The following SIL1 variants were observed in gnomAD, a reference collection of about 807,000 sequenced individuals.
The protein encoded by SIL1 is nucleotide exchange factor SIL1.
SIL1 carries 40 observed loss-of-function variants against 49.1 expected under a neutral mutation model. The observed-to-expected ratio is 0.81, with a 90% CI of 0.63 to 1.06. The LOEUF (loss-of-function observed/expected upper bound fraction) is 1.06. SIL1 is among the 50% of genes least tolerant of loss of function. The pLI, the probability that SIL1 is intolerant of heterozygous loss-of-function variation, is 0.00. For synonymous variants in SIL1, 253 were observed against 250.8 expected, an observed-to-expected ratio of 1.01 and a Z score of -0.08; for missense variants, 500 against 572.6, an observed-to-expected ratio of 0.87 and a Z score of 1.29.
chr5:138,988,159 A>G (rs886124424), intron 7 of SIL1, among the ~76,000 whole-genome samples: 2 of 152,204 alleles, frequency 1.3e-5, no homozygotes, highest in Non-Finnish European at 2.9e-5. Flanking sequence ...ACTTTTTACA[A>G]TTGTAAAGAC....
rs568511707 is a variant in SIL1 at position 139,019,798 on chromosome 5, A to G, written c.767+1373T>C. On this transcript the variant is annotated intron_variant, in intron 7 of 9. Transcript: ENST00000394817. ...GATAATTTGTTCATATTAAAGGTAG[A>G]ATAAAAGTACTCGGGAGTAAGGCAA... Among the ~76,000 whole-genome samples the G allele has an allele frequency of 1.2e-4, 19 of 152,310 alleles. 1 individual carries two copies. The highest frequency in any genetic ancestry group is 4.1e-4 in the African/African-American group (17 of 41,566).
chr5:139,140,993 A>G (rs780244083), intron 1 of SIL1, among the ~76,000 whole-genome samples: 3 of 152,116 alleles, frequency 2.0e-5, no homozygotes, highest in Admixed American at 6.5e-5. Context: ...GCACAGTTAC[A>G]AGCAGAACTG....
At chr5:139,026,552 G>A (rs770502210) in intron 6 of SIL1, among the ~76,000 whole-genome samples, 1 of 152,134 alleles carries the variant, frequency 6.6e-6, no homozygotes, top group Non-Finnish European at 1.5e-5. Flanking sequence ...GCAGTGAGCC[G>A]AGATCGCGCC....
intron 1 of SIL1, among the ~76,000 whole-genome samples, chr5:139,193,898 A>C (rs1392342991): frequency 6.6e-6 from 1 of 152,212 alleles, no homozygotes; most frequent in Non-Finnish European, 1.5e-5. Context: ...ACCAAGAAAC[A>C]CAGTGGTTGT....
intron 7 of SIL1, among the ~76,000 whole-genome samples, chr5:138,993,253 T>A (rs1767794831): frequency 6.6e-6 from 1 of 152,140 alleles, no homozygotes; most frequent in Non-Finnish European, 1.5e-5. Flanking sequence ...GATCTTGCCA[T>A]CTGGGATGAT....
chr5:138,967,007 G>A (rs772978708), intron 7 of SIL1, among the ~76,000 whole-genome samples: 3 of 152,182 alleles, frequency 2.0e-5, no homozygotes, highest in Admixed American at 6.5e-5. Flanking sequence ...TGTGAGTATC[G>A]AGTGAGATAG....
rs115891114 is a variant in SIL1, at chr5:139,116,022, C to T, written c.244+5013G>A. 4.0e-3 allele frequency among the ~76,000 whole-genome samples: 612 copies of T among 152,274 alleles called. 7 individuals are homozygous for T. Among genetic ancestry groups the T allele is most frequent in the African/African-American group, 0.014 (568 of 41,556 alleles). ...TTGGTGTCAGAGGAGTGGAGAACCACGCCGCCCCTCCAAAGCTGCAAAGAG... is the reference window on the plus strand; with the variant it reads ...TTGGTGTCAGAGGAGTGGAGAACCATGCCGCCCCTCCAAAGCTGCAAAGAG... On this transcript the variant is annotated intron_variant, in intron 3 of 9. Coordinates refer to ENST00000394817, the MANE Select transcript of SIL1 (RefSeq NM_022464.5).
chr5:139,190,960 A>C (rs1213577206), intron 1 of SIL1, among the ~76,000 whole-genome samples: 4 of 152,162 alleles, frequency 2.6e-5, no homozygotes, highest in African/African-American at 4.8e-5. Flanking sequence ...GGCCAGAGAC[A>C]GTGGCTCACA....
chr5:139,099,597 TA>T (rs1008572913), intron 3 of SIL1, among the ~76,000 whole-genome samples: 10 of 150,574 alleles, frequency 6.6e-5, no homozygotes, highest in South Asian at 2.1e-4. Context: ...ATTCAGTCAT[TA>T]AAAAAAAAGA....
At chr5:139,159,853 T>G (rs1228590643) in intron 1 of SIL1, among the ~76,000 whole-genome samples, 1 of 152,112 alleles carries the variant, frequency 6.6e-6, no homozygotes, top group Non-Finnish European at 1.5e-5. Context: ...TTACTCAGGA[T>G]TTAAGAAAGA....
At chr5:139,018,442 T>A (rs1297080581) in intron 7 of SIL1, among the ~76,000 whole-genome samples, 2 of 151,864 alleles carry the variant, frequency 1.3e-5, no homozygotes, top group African/African-American at 4.8e-5. Flanking sequence ...TTATAAAAAT[T>A]AGCCAGATGT....
At chr5:139,138,183 A>ACGTATATACACACACCC (rs1253007759) in intron 1 of SIL1, among the ~76,000 whole-genome samples, 2 of 151,926 alleles carry the variant, frequency 1.3e-5, no homozygotes, top group Non-Finnish European at 1.5e-5. Context: ...CACACACACC[A>ACGTATATACACACACCC]CGTATATACA....
intron 3 of SIL1, among the ~76,000 whole-genome samples, chr5:139,065,784 C>T (rs1183494120): frequency 6.6e-6 from 1 of 152,208 alleles, no homozygotes; most frequent in African/African-American, 2.4e-5. Flanking sequence ...ACTCTACCCA[C>T]TATACACTCC....
At chr5:139,042,016 G>C (rs1356152409) in intron 5 of SIL1, among the ~76,000 whole-genome samples, 1 of 152,086 alleles carries the variant, frequency 6.6e-6, no homozygotes, top group Non-Finnish European at 1.5e-5. Flanking sequence ...CCAGACATTA[G>C]GGGCATGGCC....
In SIL1 at chr5:139,031,454, C is replaced by T. The variant is rs559113917; in HGVS notation, c.454-4462G>A. ...TGTGGGTCTATTTCTAGGTTCTCTA[C>T]TCTGTTCCATTGATCTATGATTCTT... On this transcript the variant is annotated intron_variant, in intron 5 of 9. Coordinates refer to ENST00000394817, the MANE Select transcript of SIL1 (RefSeq NM_022464.5). Among the ~76,000 whole-genome samples, 10 of 152,296 alleles carry T rather than the reference C, an allele frequency of 6.6e-5. No homozygotes were observed. The South Asian group carries it at 2.1e-3, about 32-fold the overall frequency.
intron 3 of SIL1, among the ~76,000 whole-genome samples, chr5:139,073,565 T>A (rs115426680): frequency 0.024 from 3,590 of 152,110 alleles, 137 homozygotes; most frequent in African/African-American, 0.083. Flanking sequence ...GCTGGGGAGA[T>A]GTTGGTCAAA....
intron 4 of SIL1, among the ~76,000 whole-genome samples, 200 bp downstream of exon 4, chr5:139,050,738 A>T (rs944302245): frequency 1.3e-5 from 2 of 152,374 alleles, no homozygotes; most frequent in African/African-American, 4.8e-5. Context: ...TTTTTAAAGT[A>T]TCAATTTGCT....
chr5:139,102,705 TTTC>T (rs1452269065), intron 3 of SIL1, among the ~76,000 whole-genome samples: 1 of 126,686 alleles, frequency 7.9e-6, no homozygotes, highest in Non-Finnish European at 1.8e-5. Flanking sequence ...GGGCTGCTTT[TTTC>T]TTTTTTTTTT....
chr5:139,178,436 GC>G (rs1393752270), intron 1 of SIL1, among the ~76,000 whole-genome samples: 1 of 152,048 alleles, frequency 6.6e-6, no homozygotes, highest in Admixed American at 6.5e-5. Flanking sequence ...GAAATGCCAT[GC>G]CACAGCTGAC....
Sources: allele counts gnomAD v4.1 joint callset (sites outside exome capture counted in the v4.1 genomes callset), GRCh38; gene constraint gnomAD v4.1.1; transcripts MANE v1.5; gene names NCBI Gene and HGNC (gene_info 2026-07-23, HGNC 2026-07-21).